Variants in GRIP1 observed in about 807,000 individuals in gnomAD.
GRIP1 encodes glutamate receptor interacting protein 1.
A neutral mutation model predicts 129.9 loss-of-function variants in GRIP1; 45 were observed. The ratio of observed to expected loss-of-function variants is 0.35; its 90% CI spans 0.27 to 0.44. The LOEUF is 0.44. GRIP1 is among the 20% of genes least tolerant of loss of function. The pLI, the probability that GRIP1 is intolerant of heterozygous loss-of-function variation, is 1.00. For synonymous variants in GRIP1, 530 were observed against 520.8 expected, an observed-to-expected ratio of 1.02 and a Z score of -0.24; for missense variants, 1,196 against 1,396.8, an observed-to-expected ratio of 0.86 and a Z score of 2.29.
chr12:66,484,867 G>T (rs898725902), intron 7 of GRIP1, among the ~76,000 whole-genome samples: 8 of 152,138 alleles, frequency 5.3e-5, no homozygotes, highest in Non-Finnish European at 1.0e-4. Flanking sequence ...AATGTTTGAG[G>T]TGATGGATAG....
chr12:67,055,121 T>C (rs1193733065), intron 1 of GRIP1, among the ~76,000 whole-genome samples: 1 of 152,180 alleles, frequency 6.6e-6, no homozygotes, highest in Non-Finnish European at 1.5e-5. Flanking sequence ...TCATGGAATT[T>C]TGCTATTAAG....
intron 2 of GRIP1, chr12:66,571,134 C>T (rs2062945770): frequency 6.6e-6 from 1 of 152,178 alleles, no homozygotes; most frequent in Non-Finnish European, 1.5e-5. Flanking sequence ...ATTCTAATTG[C>T]AAGTTCTAAG....
At chr12:66,471,799 T>C (rs554649039) in intron 7 of GRIP1, among the ~76,000 whole-genome samples, 1 of 152,320 alleles carries the variant, frequency 6.6e-6, no homozygotes, top group African/African-American at 2.4e-5. Context: ...CCAACATCTG[T>C]TCCCTGATCA....
intron 1 of GRIP1, among the ~76,000 whole-genome samples, chr12:66,929,639 A>G (rs1444672038): frequency 6.6e-6 from 1 of 152,120 alleles, no homozygotes; most frequent in Non-Finnish European, 1.5e-5. Context: ...TTCCTCCTTC[A>G]TATTTGCCTG....
intron 1 of GRIP1, among the ~76,000 whole-genome samples, chr12:66,988,369 G>A (rs1038634427): frequency 9.2e-5 from 14 of 152,060 alleles, no homozygotes; most frequent in Admixed American, 8.5e-4. Context: ...TGATATTCTA[G>A]AAATTCTTTT....
chr12:66,440,002 G>T (rs984986659), intron 13 of GRIP1, among the ~76,000 whole-genome samples: 1 of 152,110 alleles, frequency 6.6e-6, no homozygotes, highest in South Asian at 2.1e-4. Flanking sequence ...CTTCTGGTTG[G>T]TTTCCTCATG....
In GRIP1 at chr12:66,498,815, C is replaced by A. The variant is rs111297389; in HGVS notation, c.724+16804G>T. On this transcript the variant is annotated intron_variant, in intron 7 of 24. Coordinates refer to ENST00000359742, the MANE Select transcript of GRIP1 (RefSeq NM_001366722.1). The stretch of plus-strand genomic sequence containing the variant: ...ACAACTCTAACATTTTTTATTTAGT[C>A]TTGAACCTATACCATTGATAAGTGA... 9.8e-4 allele frequency among the ~76,000 whole-genome samples: 149 copies of A among 152,070 alleles called. 2 individuals carry two copies. Among genetic ancestry groups the A allele is most frequent in the Non-Finnish European group, 8.2e-4 (56 of 68,016 alleles).
intron 7 of GRIP1, among the ~76,000 whole-genome samples, chr12:66,477,824 T>C (rs1248023294): frequency 6.6e-6 from 1 of 152,120 alleles, no homozygotes. Flanking sequence ...TGGCTAGCCA[T>C]AGGTAGAAAG....
intron 1 of GRIP1, among the ~76,000 whole-genome samples, chr12:66,656,705 A>ACAC (rs2033179109): frequency 6.6e-6 from 1 of 152,242 alleles, no homozygotes; most frequent in Non-Finnish European, 1.5e-5. Context: ...GGTGTTTAAT[A>ACAC]TGCAAACAGT....
At chr12:66,980,921 A>G (rs2042234100) in intron 1 of GRIP1, among the ~76,000 whole-genome samples, 1 of 152,152 alleles carries the variant, frequency 6.6e-6, no homozygotes, top group Non-Finnish European at 1.5e-5. Flanking sequence ...CCGTGTTTTG[A>G]GCATTGGCCA....
chr12:66,449,137 C>T (rs942643239), intron 11 of GRIP1, among the ~76,000 whole-genome samples: 5 of 152,188 alleles, frequency 3.3e-5, no homozygotes, highest in African/African-American at 9.6e-5. Context: ...AATACATGGT[C>T]CCGTTTCAGC....
At chr12:66,426,433 T>G (rs576886565) in intron 14 of GRIP1, among the ~76,000 whole-genome samples, 1 of 152,240 alleles carries the variant, frequency 6.6e-6, no homozygotes, top group South Asian at 2.1e-4. Context: ...AAGGCCCACT[T>G]TTTTCCCCCT....
intron 1 of GRIP1, among the ~76,000 whole-genome samples, chr12:66,802,986 T>C (rs1236382809): frequency 6.6e-6 from 1 of 152,226 alleles, no homozygotes; most frequent in East Asian, 1.9e-4. Flanking sequence ...AATTTTACAT[T>C]CTTGTATTAT....
intron 1 of GRIP1, among the ~76,000 whole-genome samples, chr12:66,904,943 T>C (rs1016216604): frequency 1.3e-5 from 2 of 151,976 alleles, no homozygotes; most frequent in Non-Finnish European, 2.9e-5. Context: ...TTTTTATTGG[T>C]AAAGCAAAAG....
chr12:66,594,067 C>CAAAA (rs10661389), intron 2 of GRIP1, among the ~76,000 whole-genome samples: 52 of 52,876 alleles, frequency 9.8e-4, no homozygotes, highest in Middle Eastern at 0.012. Context: ...GACTCCGTCT[C>CAAAA]AAAAAAAAAA....
At chr12:66,669,964 C>T (rs76298215) in intron 1 of GRIP1, among the ~76,000 whole-genome samples, 2,049 of 152,194 alleles carry the variant, frequency 0.013, 63 homozygotes, top group African/African-American at 0.047. Context: ...TGTTTACAAG[C>T]TAGTTCAAAA....
Position 66,723,948 on chromosome 12 carries a change from G to A in GRIP1, c.-420+80105C>T, listed in dbSNP as rs186668882. Among the ~76,000 whole-genome samples the A allele has an allele frequency of 1.2e-3, 188 of 152,138 alleles. 1 individual carries two copies. Among genetic ancestry groups the A allele is most frequent in the African/African-American group, 4.2e-3 (174 of 41,502 alleles). ...AAAGATGAGTTAGGAAATAATACCC[G>A]AATAAAACACAGAAATGGTGTTTGT... On this transcript the variant is annotated intron_variant, in intron 1 of 4. Coordinates refer to the GRIP1 transcript ENST00000538373.
intron 1 of GRIP1, among the ~76,000 whole-genome samples, chr12:66,628,968 C>T (rs900147773): frequency 6.6e-6 from 1 of 152,216 alleles, no homozygotes; most frequent in Non-Finnish European, 1.5e-5. Context: ...TCCACACACT[C>T]ACAAGTAGTA....
chr12:66,581,595 T>C (rs947311896), intron 2 of GRIP1, among the ~76,000 whole-genome samples: 65 of 150,440 alleles, frequency 4.3e-4, no homozygotes, highest in African/African-American at 4.9e-5. Flanking sequence ...CCCACAGAAA[T>C]ACAAACTACC....
Sources: gnomAD v4.1 joint callset for allele counts (sites outside exome capture counted in the v4.1 genomes callset) on GRCh38, gnomAD v4.1.1 for gene constraint, MANE v1.5 for transcripts, NCBI Gene and HGNC (gene_info 2026-07-23, HGNC 2026-07-21) for gene names.